The following DPP6 variants were observed in gnomAD, a reference collection of about 807,000 sequenced individuals.
DPP6 encodes A-type potassium channel modulatory protein DPP6.
In DPP6, 69 loss-of-function variants were observed where a neutral mutation model predicts 122.6. The observed-to-expected ratio is 0.56, with a 90% CI of 0.46 to 0.69. The LOEUF is 0.69. Among genes scored for constraint, DPP6 ranks in the 30% least tolerant of loss-of-function variants. The pLI is 0.00. For synonymous variants in DPP6, 418 were observed against 433.1 expected (o/e 0.97, Z 0.43); for missense variants, 928 against 1,116.9 (o/e 0.83, Z 2.41).
chr7:153,776,649 C>G, the DPP6 span, among the ~76,000 whole-genome samples: 1 of 152,088 alleles, frequency 6.6e-6, no homozygotes, highest in Non-Finnish European at 1.5e-5. Context: ...ATAAATATAA[C>G]CAACTGACTT....
intron 5 of DPP6, among the ~76,000 whole-genome samples, chr7:154,583,558 G>A (rs374098461): frequency 2.0e-4 from 30 of 152,198 alleles, no homozygotes; most frequent in Admixed American, 8.5e-4. Flanking sequence ...CTACTGCATC[G>A]GCTGCTGCCA....
At chr7:154,761,610 G>T (rs192590423) in intron 8 of DPP6, among the ~76,000 whole-genome samples, 8 of 152,224 alleles carry the variant, frequency 5.3e-5, no homozygotes, top group Non-Finnish European at 1.2e-4. Context: ...TTCCAGTCAC[G>T]GCAGAAGGCC....
chr7:153,760,956 A>G, the DPP6 span, among the ~76,000 whole-genome samples: 1 of 152,078 alleles, frequency 6.6e-6, no homozygotes, highest in Admixed American at 6.6e-5. Context: ...CGCAAACTGT[A>G]GCTGCCTTGT....
At chr7:154,293,913 G>A (rs985006253) in intron 1 of DPP6, among the ~76,000 whole-genome samples, 3 of 152,038 alleles carry the variant, frequency 2.0e-5, no homozygotes, top group South Asian at 2.1e-4. Flanking sequence ...TGTGCTAAGC[G>A]CACACAGGAT....
chr7:154,315,848 C>A (rs1674722294), intron 1 of DPP6, among the ~76,000 whole-genome samples: 1 of 152,160 alleles, frequency 6.6e-6, no homozygotes, highest in South Asian at 2.1e-4. Flanking sequence ...AACTAAGAAC[C>A]CCAAGTATTG....
rs189542002 is a variant in DPP6 at position 154,483,092 on chromosome 7, A to G, written c.457+8055A>G. 2.1e-3 allele frequency among the ~76,000 whole-genome samples: 315 copies of G among 152,136 alleles called. 8 individuals carry two copies. The South Asian group carries it at 0.049, about 24-fold the overall frequency. ...GGAGGTACTGCTCAGAGCCTCTCGG[A>G]GGGAAGAGGGGAAGAGGGACACGGA... On this transcript the variant is annotated intron_variant, in intron 3 of 25. Transcript: ENST00000377770. The surrounding 1 kb of genome is among the most constrained non-coding windows in gnomAD (Gnocchi z 8.1).
intron 1 of DPP6, chr7:154,058,457 C>T (rs1433479456): frequency 1.5e-5 from 2 of 134,498 alleles, no homozygotes; most frequent in Non-Finnish European, 3.2e-5. Flanking sequence ...CCGCACCTGG[C>T]TGTTGGTACC....
chr7:154,326,078 T>C (rs566142258), intron 1 of DPP6, among the ~76,000 whole-genome samples: 53 of 152,332 alleles, frequency 3.5e-4, no homozygotes, highest in South Asian at 4.1e-4. Context: ...TCCTTGCCTT[T>C]AGGAAAAATT....
rs1804780588 is a variant in DPP6, at chr7:154,875,635, T to C, written c.1884-271T>C. Among the ~76,000 whole-genome samples, 1 of 151,996 alleles carries C rather than the reference T, an allele frequency of 6.6e-6. No homozygotes were observed. The highest frequency in any genetic ancestry group is 1.5e-5 in the Non-Finnish European group (1 of 67,978). On this transcript the variant is annotated intron_variant, in intron 19 of 25. Coordinates refer to ENST00000377770, the MANE Select transcript of DPP6 (RefSeq NM_130797.4). This position sits in a 1 kb window ranked among gnomAD's most constrained non-coding sequence, Gnocchi z 4.5. Reference sequence around the variant, plus strand: ...TGTTTCCCTCACCAAATAGATGCTTTTTGGTGGCCGTCCCAGACAGCGCCG... The same window carrying C: ...TGTTTCCCTCACCAAATAGATGCTTCTTGGTGGCCGTCCCAGACAGCGCCG...
intron 1 of DPP6, among the ~76,000 whole-genome samples, chr7:154,081,119 G>C (rs2150528808): frequency 6.6e-6 from 1 of 151,936 alleles, no homozygotes; most frequent in East Asian, 1.9e-4. Context: ...ATGGAGGCTT[G>C]AGCCACTTAG....
intron 1 of DPP6, among the ~76,000 whole-genome samples, chr7:154,401,837 C>T (rs1365553208): frequency 2.0e-5 from 3 of 152,146 alleles, no homozygotes; most frequent in Non-Finnish European, 2.9e-5. Flanking sequence ...AAAATTTTCG[C>T]AGCCTACTCA....
At chr7:154,621,512 GCTCA>G (rs2130854137) in intron 5 of DPP6, among the ~76,000 whole-genome samples, 1 of 152,074 alleles carries the variant, frequency 6.6e-6, no homozygotes, top group South Asian at 2.1e-4. Context: ...GGGATTACAG[GCTCA>G]TGCCACCACA....
rs957521097 is a variant in DPP6 at position 154,203,594 on chromosome 7, C to T, written c.243+150531C>T. The stretch of plus-strand genomic sequence containing the variant: ...AAGGACAGACACACCCAACTGAGCA[C>T]CAAGCAAGCGACATATCCTAATACA... On this transcript the variant is annotated intron_variant, in intron 1 of 25. Transcript: ENST00000377770. Among the ~76,000 whole-genome samples, 8 of 152,124 alleles carry T rather than the reference C, an allele frequency of 5.3e-5. No homozygotes were observed. In the East Asian group the frequency reaches 1.5e-3, roughly 29 times the overall value.
At chr7:153,857,075 T>C in the DPP6 span, among the ~76,000 whole-genome samples, 1 of 151,594 alleles carries the variant, frequency 6.6e-6, no homozygotes, top group African/African-American at 2.4e-5. Flanking sequence ...TGATCATCAA[T>C]ATGAAAGTAA....
chr7:154,305,444 C>T (rs1806244716), intron 1 of DPP6: 3 of 1,517,368 alleles, frequency 2.0e-6, no homozygotes, highest in East Asian at 5.0e-5. Context: ...TGGCTCCCAA[C>T]TCGCCGTCAG....
At chr7:154,548,297 G>C (rs182735825) in intron 4 of DPP6, among the ~76,000 whole-genome samples, 298 of 152,092 alleles carry the variant, frequency 2.0e-3, no homozygotes, top group African/African-American at 6.7e-3. Context: ...GGGCGCAGTG[G>C]CTCACGCCTG....
intron 6 of DPP6, among the ~76,000 whole-genome samples, chr7:154,652,206 G>A (rs538990594): frequency 7.2e-5 from 11 of 152,116 alleles, no homozygotes; most frequent in African/African-American, 2.4e-4. Flanking sequence ...ACACATCCTC[G>A]CCTGCACCCT....
intron 1 of DPP6, among the ~76,000 whole-genome samples, chr7:154,014,706 C>G (rs1022010645): frequency 6.6e-6 from 1 of 152,002 alleles, no homozygotes; most frequent in Non-Finnish European, 1.5e-5. Context: ...CATGGGCTAG[C>G]TACTCTGCTT....
At chr7:154,590,352 T>A (rs77755100) in intron 5 of DPP6, among the ~76,000 whole-genome samples, 1,596 of 151,814 alleles carry the variant, frequency 0.011, 13 homozygotes, top group Non-Finnish European at 0.015. Context: ...GAAACTTATT[T>A]TTTTATGCTT....
Sources: allele counts gnomAD v4.1 joint callset (sites outside exome capture counted in the v4.1 genomes callset), GRCh38; gene constraint gnomAD v4.1.1; non-coding constraint Gnocchi (gnomAD v3.1); transcripts MANE v1.5; gene names NCBI Gene and HGNC (gene_info 2026-07-23, HGNC 2026-07-21).